Variants in SDK1 observed in about 807,000 individuals in gnomAD.
SDK1 encodes protein sidekick-1.
SDK1 carries 157 observed loss-of-function variants against 245.5 expected under a neutral mutation model. The ratio of observed to expected loss-of-function variants is 0.64; its 90% CI spans 0.56 to 0.73. The LOEUF (loss-of-function observed/expected upper bound fraction) is 0.73, where lower values mean the gene tolerates loss of function less well. SDK1 is among the 30% of genes least tolerant of loss of function. The pLI is 0.00. For synonymous variants in SDK1, 1,647 were observed against 1,278.5 expected (o/e 1.29, Z -6.15); for missense variants, 3,583 against 3,002.3 (o/e 1.19, Z -4.52).
At chr7:3,686,512 A>G (rs1361246043) in intron 4 of SDK1, among the ~76,000 whole-genome samples, 1 of 152,232 alleles carries the variant, frequency 6.6e-6, no homozygotes, top group Admixed American at 6.5e-5. Flanking sequence ...CCTGTCACTC[A>G]CGCATACATA....
chr7:4,064,763 C>T (rs1277933940), intron 19 of SDK1, among the ~76,000 whole-genome samples: 3 of 152,138 alleles, frequency 2.0e-5, no homozygotes, highest in African/African-American at 7.2e-5. Flanking sequence ...TTTGCAGCAA[C>T]ATGCAGGGAA....
chr7:3,553,132 AACTT>A (rs1180673416), intron 1 of SDK1, among the ~76,000 whole-genome samples: 3 of 152,204 alleles, frequency 2.0e-5, no homozygotes, highest in South Asian at 2.1e-4. Flanking sequence ...TTTTTCATAA[AACTT>A]AATTATTGCC....
At chr7:4,199,776 C>T (rs550325998) in intron 35 of SDK1, among the ~76,000 whole-genome samples, 2 of 152,262 alleles carry the variant, frequency 1.3e-5, no homozygotes, top group African/African-American at 4.8e-5. Flanking sequence ...TCCACACATC[C>T]CTGTGCTCAG....
chr7:4,166,300 G>T (rs1416079158), intron 32 of SDK1, among the ~76,000 whole-genome samples: 2 of 152,246 alleles, frequency 1.3e-5, no homozygotes, highest in Non-Finnish European at 2.9e-5. Flanking sequence ...ACCAACACCT[G>T]CATGGAGTGC....
chr7:4,029,859 T>A (rs1050738721), intron 17 of SDK1, among the ~76,000 whole-genome samples: 11 of 152,156 alleles, frequency 7.2e-5, no homozygotes, highest in Admixed American at 7.2e-4. Context: ...AATTGCTTTG[T>A]TAGATTGGTG....
At chr7:3,982,839 C>CAA (rs530067376) in intron 13 of SDK1, among the ~76,000 whole-genome samples, 1 of 119,924 alleles carries the variant, frequency 8.3e-6, no homozygotes, top group Non-Finnish European at 1.8e-5. Flanking sequence ...GACAACATCT[C>CAA]AAAAAAAAAA....
In SDK1 at chr7:3,817,443, C is replaced by G. The variant is rs572075779; in HGVS notation, c.714-4007C>G. On this transcript the variant is annotated intron_variant, in intron 4 of 44. Coordinates refer to ENST00000404826, the MANE Select transcript of SDK1 (RefSeq NM_152744.4). The stretch of plus-strand genomic sequence containing the variant: ...TGCTGATTAAATAGTGAAACAGTTA[C>G]TTGATTCTGCTCCAGTGGTGATCAG... 6.0e-4 allele frequency among the ~76,000 whole-genome samples: 91 copies of G among 152,340 alleles called. No homozygotes were observed. In the South Asian group the frequency reaches 0.019, roughly 32 times the overall value.
chr7:3,991,393 C>T (rs1024939519), intron 14 of SDK1, among the ~76,000 whole-genome samples: 4 of 152,180 alleles, frequency 2.6e-5, no homozygotes, highest in Admixed American at 2.0e-4. Context: ...TTTCCCTCCT[C>T]AGGGCTCCCT....
In SDK1 at chr7:4,021,290, C is replaced by T. The variant is rs10264423; in HGVS notation, c.2602+3938C>T. ...CCTCATCTATCCACAGATCGGGGTACTGGGCGTGCTTTGAAGAGTCCTCAG... is the reference window on the plus strand; with the variant it reads ...CCTCATCTATCCACAGATCGGGGTATTGGGCGTGCTTTGAAGAGTCCTCAG... On this transcript the variant is annotated intron_variant, in intron 17 of 44. Coordinates refer to ENST00000404826, the MANE Select transcript of SDK1 (RefSeq NM_152744.4). 6.8e-3 allele frequency among the ~76,000 whole-genome samples: 1,043 copies of T among 152,266 alleles called. 12 individuals are homozygous for T. The highest frequency in any genetic ancestry group is 0.024 in the African/African-American group (987 of 41,552).
rs75935035 is a variant in SDK1, at chr7:4,229,992, G to T, written c.5828-3263G>T. Among the ~76,000 whole-genome samples the T allele has an allele frequency of 4.3e-3, 643 of 149,600 alleles. 3 individuals carry two copies. Among genetic ancestry groups the T allele is most frequent in the African/African-American group, 0.015 (622 of 40,410 alleles). On this transcript the variant is annotated intron_variant, in intron 40 of 44. Coordinates refer to ENST00000404826, the MANE Select transcript of SDK1 (RefSeq NM_152744.4). The stretch of plus-strand genomic sequence containing the variant: ...CAGATGGGTGGATGGGTGGAAGGAA[G>T]AATGGATGGATAATGGATGGATGGA...
At chr7:3,915,703 C>T (rs1446485417) in intron 5 of SDK1, among the ~76,000 whole-genome samples, 1 of 152,084 alleles carries the variant, frequency 6.6e-6, no homozygotes, top group Non-Finnish European at 1.5e-5. Context: ...AACCAAGCAC[C>T]CTCTGTGGCT....
chr7:4,074,050 T>C (rs762291693), intron 20 of SDK1, among the ~76,000 whole-genome samples: 27 of 152,302 alleles, frequency 1.8e-4, no homozygotes, highest in Non-Finnish European at 3.2e-4. Context: ...AGGGTTGTCC[T>C]GTTGCATTTT....
Position 3,737,513 on chromosome 7 carries a change from G to A in SDK1, c.714-83937G>A, listed in dbSNP as rs899317007. Among the ~76,000 whole-genome samples the A allele has an allele frequency of 3.3e-5, 5 of 152,358 alleles. No individual in the cohort carries two copies. In the South Asian group the frequency reaches 8.3e-4, roughly 25 times the overall value. On this transcript the variant is annotated intron_variant, in intron 4 of 44. Coordinates refer to ENST00000404826, the MANE Select transcript of SDK1 (RefSeq NM_152744.4). ...GGGCTGAGCCAGACTGCTGGCTGGG[G>A]ACTGATGGTGGGCAGAGCTGGTGAC...
chr7:3,403,719 T>A (rs1475409617), intron 1 of SDK1, among the ~76,000 whole-genome samples: 1 of 150,056 alleles, frequency 6.7e-6, no homozygotes, highest in Non-Finnish European at 1.5e-5. Context: ...TCCATGCTGG[T>A]TGCTCACTTG....
intron 4 of SDK1, among the ~76,000 whole-genome samples, chr7:3,702,134 A>G (rs565420499): frequency 1.2e-4 from 18 of 152,164 alleles, no homozygotes; most frequent in East Asian, 3.9e-4. Context: ...TAAAAATTCA[A>G]TAAGTTGGAA....
intron 22 of SDK1, among the ~76,000 whole-genome samples, chr7:4,101,081 C>G (rs1782505798): frequency 6.6e-6 from 1 of 152,148 alleles, no homozygotes; most frequent in East Asian, 1.9e-4. Context: ...TGCCTGGGCC[C>G]CGAAAACCAA....
intron 14 of SDK1, among the ~76,000 whole-genome samples, chr7:3,997,567 T>A (rs950657498): frequency 1.3e-5 from 2 of 152,212 alleles, no homozygotes; most frequent in Non-Finnish European, 2.9e-5. Context: ...GGTTGTTCAA[T>A]GTCTGCAGCT....
At chr7:3,799,619 G>T (rs1183734029) in intron 4 of SDK1, among the ~76,000 whole-genome samples, 1 of 151,110 alleles carries the variant, frequency 6.6e-6, no homozygotes, top group Non-Finnish European at 1.5e-5. Context: ...GCAGGAGAAT[G>T]GCGTGAACCT....
chr7:3,586,925 T>C (rs985383754), intron 1 of SDK1, among the ~76,000 whole-genome samples: 1 of 152,074 alleles, frequency 6.6e-6, no homozygotes, highest in Non-Finnish European at 1.5e-5. Context: ...CTGTAAGAGA[T>C]TTTTTTGGTA....
Sources: allele counts gnomAD v4.1 joint callset (sites outside exome capture counted in the v4.1 genomes callset), GRCh38; gene constraint gnomAD v4.1.1; transcripts MANE v1.5; gene names NCBI Gene and HGNC (gene_info 2026-07-23, HGNC 2026-07-21).